KIF13B: variants seen among roughly 807,000 people sequenced by gnomAD.
KIF13B encodes kinesin-like protein KIF13B.
In KIF13B, 127 loss-of-function variants were observed where a neutral mutation model predicts 222.0. The ratio of observed to expected loss-of-function variants is 0.57; its 90% CI spans 0.50 to 0.66. The LOEUF is 0.66. Among genes scored for constraint, KIF13B ranks in the 30% least tolerant of loss-of-function variants. The pLI is 0.00. For synonymous variants in KIF13B, 976 were observed against 919.0 expected (o/e 1.06, Z -1.12); for missense variants, 2,173 against 2,379.0 (o/e 0.91, Z 1.80).
At chr8:29,074,739 T>C (rs1807472728) in intron 38 of KIF13B, among the ~76,000 whole-genome samples, 1 of 152,274 alleles carries the variant, frequency 6.6e-6, no homozygotes, top group South Asian at 2.1e-4. Context: ...GAATATTCTT[T>C]CTAATGATTG....
At chr8:29,119,974 G>A (rs773455841) in intron 29 of KIF13B, among the ~76,000 whole-genome samples, 11 of 152,138 alleles carry the variant, frequency 7.2e-5, no homozygotes, top group Admixed American at 5.9e-4. Context: ...GAGAGTTAAC[G>A]TTAATACATA....
rs77480862 is a variant in KIF13B, at chr8:29,122,742, G to A, written c.3480-96C>T. 9.6e-4 allele frequency: 905 copies of A among 947,196 alleles called. 13 individuals carry two copies. In the African/African-American group the frequency reaches 0.013, roughly 14 times the overall value. The allele number at this position is 947,196 out of a possible 1,614,324, so 58.7% of individuals were successfully genotyped here. A position where few individuals can be genotyped will look rare whatever the true frequency, so the allele number is the denominator to read the frequency against. On this transcript the variant is annotated intron_variant, in intron 28 of 39. Transcript: ENST00000524189. ...CTTAATGGCATTCAGGGCTGTTACA[G>A]GGCAAAGCAGTAATAACCCTGGCCC... is the stretch of plus-strand genomic sequence containing the variant.
intron 36 of KIF13B, among the ~76,000 whole-genome samples, chr8:29,095,021 C>T (rs1808460383): frequency 6.9e-6 from 1 of 144,760 alleles, no homozygotes; most frequent in African/African-American, 2.5e-5. Flanking sequence ...CAATATTAAA[C>T]AATCTAACCT....
intron 35 of KIF13B, among the ~76,000 whole-genome samples, chr8:29,106,965 C>G (rs959205562): frequency 2.0e-5 from 3 of 152,170 alleles, no homozygotes; most frequent in Admixed American, 6.5e-5. Context: ...TCTAACCAGA[C>G]CCCTCAAAAG....
In KIF13B at chr8:29,165,730, C is replaced by G; in HGVS notation, c.1201G>C (p.Glu401Gln). The change falls in exon 12 of 40, where the codon GAG (glutamate) becomes CAG (glutamine). Residue 401 changes from glutamate (E) to glutamine (Q), a missense_variant. Glu to Gln is a conservative substitution (Grantham distance 29, BLOSUM62 2). Transcript: ENST00000524189. The part of the protein sequence containing the change: ...PELKDRLEES[E>Q]KLIQEMTVTW... ...ACAGTCATTTCCTGGATTAGCTTCT[C>G]AGATTCTTCCAGCCGGTCCTTTAGC... The G allele has an allele frequency of 6.2e-7, 1 of 1,613,878 alleles. No homozygotes were observed. The highest frequency in any genetic ancestry group is 8.5e-7 in the Non-Finnish European group (1 of 1,179,758).
Position 29,113,560 on chromosome 8 carries a change from AG to A in KIF13B, c.3838-6del, listed in dbSNP as rs1250271016. On this transcript the variant is annotated splice_region_variant and splice_polypyrimidine_tract_variant and intron_variant, in intron 31 of 39. Transcript: ENST00000524189. ...TAGGAGACTCTGTGCAAAACCCTAG[AG>A]AAAAACAAAATAGAAGATATGGTTT... The A allele has an allele frequency of 3.2e-6, 5 of 1,539,084 alleles. No individual in the cohort carries two copies. The East Asian group carries it at 1.2e-4, about 36-fold the overall frequency.
chr8:29,095,988 T>G (rs1335593261), intron 36 of KIF13B, among the ~76,000 whole-genome samples: 1 of 148,270 alleles, frequency 6.7e-6, no homozygotes, highest in Non-Finnish European at 1.5e-5. Flanking sequence ...TGTTTTTTGT[T>G]TTTTTTTTTT....
chr8:29,168,386 G>A lies in KIF13B; in HGVS notation c.946-801C>T, dbSNP rs75059110. Among the ~76,000 whole-genome samples the A allele has an allele frequency of 4.5e-3, 682 of 152,328 alleles. 4 individuals are homozygous for A. Among genetic ancestry groups the A allele is most frequent in the African/African-American group, 0.015 (644 of 41,570 alleles). ...AGACTTGGGGCATCAAGCCCACTGC[G>A]CTCTGCTGCACCACAGACAAGGCTG... On this transcript the variant is annotated intron_variant, in intron 10 of 39. Coordinates refer to ENST00000524189, the MANE Select transcript of KIF13B (RefSeq NM_015254.4).
rs567112559 is a variant in KIF13B at position 29,076,242 on chromosome 8, C to T, written c.4459-899G>A. On this transcript the variant is annotated intron_variant, in intron 37 of 39. Coordinates refer to ENST00000524189, the MANE Select transcript of KIF13B (RefSeq NM_015254.4). ...TGCCACTTCTGCCCCTCCCCCTCCCCCTACCCGACTGCAGGAACCAGGCCT... is the reference window on the plus strand; with the variant it reads ...TGCCACTTCTGCCCCTCCCCCTCCCTCTACCCGACTGCAGGAACCAGGCCT... Among the ~76,000 whole-genome samples, 6 of 152,340 alleles carry T rather than the reference C, an allele frequency of 3.9e-5. No individual in the cohort carries two copies. In the East Asian group the frequency reaches 1.2e-3, roughly 29 times the overall value.
chr8:29,140,154 C>T lies in KIF13B; in HGVS notation c.2522G>A (p.Ser841Asn). ...GRLHVEVMRL[S>N]GDVGERIAGG... Reference sequence around the variant, plus strand: ...TGCGATCCTCTCCCCAACATCACCACTGAGTCGCATCACCTCCACGTGCAG... The same window carrying T: ...TGCGATCCTCTCCCCAACATCACCATTGAGTCGCATCACCTCCACGTGCAG... The change falls in exon 21 of 40, where the codon AGT becomes AAT. Residue 841 changes from serine to asparagine, a missense_variant. By Grantham distance (46) the Ser-to-Asn change is conservative. Coordinates refer to ENST00000524189, the MANE Select transcript of KIF13B (RefSeq NM_015254.4). 6.2e-7 allele frequency: 1 copy of T among 1,613,774 alleles called. No individual in the cohort carries two copies. The highest frequency in any genetic ancestry group is 8.5e-7 in the Non-Finnish European group (1 of 1,179,876).
In KIF13B at chr8:29,071,996, C is replaced by T; in HGVS notation, c.4842G>A (p.Thr1614=). 4 of 1,296,642 alleles carry T rather than the reference C, an allele frequency of 3.1e-6. No individual in the cohort carries two copies. Among genetic ancestry groups the T allele is most frequent in the Middle Eastern group, 2.9e-4 (1 of 3,414 alleles). 80.3% of individuals were successfully genotyped at this position (1,296,642 alleles called of 1,614,324 possible). ...CAGGGGGCTCCTCGGCGGGGACGGCCGTGGGCGGTGGGGGGTGGCTGATGG... is the reference window on the plus strand; with the variant it reads ...CAGGGGGCTCCTCGGCGGGGACGGCTGTGGGCGGTGGGGGGTGGCTGATGG... ...EAPISHPPPP[T]AVPAEEPPGP... The change falls in exon 39 of 40, where the codon ACG becomes ACA. Residue 1614 remains threonine, a synonymous_variant. Coordinates refer to ENST00000524189, the MANE Select transcript of KIF13B (RefSeq NM_015254.4). The surrounding 1 kb of genome is among the most constrained non-coding windows in gnomAD (Gnocchi z 4.9).
intron 2 of KIF13B, among the ~76,000 whole-genome samples, chr8:29,221,381 G>A (rs1814742935): frequency 6.6e-6 from 1 of 150,898 alleles, no homozygotes; most frequent in African/African-American, 2.4e-5. Context: ...GGGATTACAG[G>A]CATGAGCCAC....
In KIF13B at chr8:29,124,022, A is replaced by G. The variant is rs750359337; in HGVS notation, c.3352+2T>C. On this transcript the variant is annotated splice_donor_variant, in intron 27 of 39. Coordinates refer to ENST00000524189, the MANE Select transcript of KIF13B (RefSeq NM_015254.4). LOFTEE classifies it high-confidence loss of function. ...GAAAAATATTCTATTTGTTTTTCCT[A>G]CCACGTTTACTGACAAGCTTTTGCA... The G allele has an allele frequency of 1.3e-6, 2 of 1,577,750 alleles. No homozygotes were observed. Among genetic ancestry groups the G allele is most frequent in the Non-Finnish European group, 1.7e-6 (2 of 1,148,958 alleles).
chr8:29,139,023 G>T (rs757899190), intron 21 of KIF13B, among the ~76,000 whole-genome samples: 3 of 152,134 alleles, frequency 2.0e-5, no homozygotes, highest in African/African-American at 7.2e-5. Flanking sequence ...ATGCTGGGGC[G>T]TGCCTGGGGT....
chr8:29,234,634 C>T (rs1586963748), intron 2 of KIF13B, among the ~76,000 whole-genome samples: 1 of 133,638 alleles, frequency 7.5e-6, no homozygotes, highest in Non-Finnish European at 1.6e-5. Context: ...ACTGTATACA[C>T]ATAAAAATGG....
chr8:29,231,864 T>C (rs1489685185), intron 2 of KIF13B, among the ~76,000 whole-genome samples: 2 of 152,186 alleles, frequency 1.3e-5, no homozygotes, highest in Admixed American at 6.5e-5. Flanking sequence ...GCATTACAAA[T>C]TCCACTTCCA....
chr8:29,170,568 C>G (rs1397942717), intron 10 of KIF13B, among the ~76,000 whole-genome samples: 1 of 152,142 alleles, frequency 6.6e-6, no homozygotes, highest in African/African-American at 2.4e-5. Flanking sequence ...AGAGAAGCAT[C>G]ACCCAGGTAA....
chr8:29,197,130 A>C (rs941977276), intron 2 of KIF13B, among the ~76,000 whole-genome samples: 1 of 151,574 alleles, frequency 6.6e-6, no homozygotes, highest in Non-Finnish European at 1.5e-5. Context: ...GAGGTCAGGA[A>C]ATCGAGACCA....
intron 33 of KIF13B, 23 bp from the exon 34 acceptor site, chr8:29,109,534 A>C (rs1809255397): frequency 6.2e-7 from 1 of 1,601,584 alleles, no homozygotes; most frequent in African/African-American, 1.3e-5. Flanking sequence ...AAACATACAG[A>C]GGAAAAAGAC....
Sources: gnomAD v4.1 joint callset for allele counts (sites outside exome capture counted in the v4.1 genomes callset) on GRCh38, gnomAD v4.1.1 for gene constraint, Gnocchi (gnomAD v3.1) non-coding constraint, MANE v1.5 for transcripts, NCBI Gene and HGNC (gene_info 2026-07-23, HGNC 2026-07-21) for gene names.